RASIP1: variants seen among roughly 807,000 people sequenced by gnomAD.
RASIP1 encodes the protein ras-interacting protein 1.
In RASIP1, 20 loss-of-function variants were observed where a neutral mutation model predicts 85.3. The ratio of observed to expected loss-of-function variants is 0.23; its 90% confidence interval spans 0.17 to 0.34. The LOEUF (loss-of-function observed/expected upper bound fraction) is 0.34, where lower values mean the gene tolerates loss of function less well. Among genes scored for constraint, RASIP1 ranks in the 10% least tolerant of loss-of-function variants. RASIP1 has a pLI of 1.00. For synonymous variants in RASIP1, 617 were observed against 647.1 expected (o/e 0.95, Z 0.71); for missense variants, 1,170 against 1,390.9 (o/e 0.84, Z 2.53).
At position 48,735,312 on chromosome 19, in the gene RASIP1, C is replaced by T. The variant is rs2033549028; in HGVS notation, c.1063G>A (p.Asp355Asn). 6.2e-7 allele frequency: 1 copy of T among 1,613,782 alleles called. No individual in the cohort carries two copies. The highest frequency in any genetic ancestry group is 8.5e-7 in the Non-Finnish European group (1 of 1,179,958). Residue 355 changes from aspartate to asparagine, a missense_variant, in exon 4 of 12, where the codon GAC (aspartate) becomes AAC (asparagine). Coordinates refer to ENST00000222145, the MANE Select transcript of RASIP1 (RefSeq NM_017805.3). ...GGGTCTGCAGTTCCGATTTGGGCGT[C>T]GGCTGCCCCTGGGGCCATGCTAAGT... ...QALSMAPGAA[D>N]AQIGTADPGD...
In RASIP1 at chr19:48,720,638, T is replaced by A. The variant is rs2033208983; in HGVS notation, c.*160A>T. On this transcript the variant is annotated 3_prime_UTR_variant, in exon 12 of 12. Transcript: ENST00000222145. ...CCCTGGCATTCACATCCTAAGCCCA[T>A]GCTCCCACCGTCCCATCCGCTACTT... 1 of 764,336 alleles carries A rather than the reference T, an allele frequency of 1.3e-6. No homozygotes were observed. Among genetic ancestry groups the A allele is most frequent in the East Asian group, 2.5e-5 (1 of 40,252 alleles). 47.3% of individuals were successfully genotyped at this position (764,336 alleles called of 1,614,324 possible).
At position 48,729,076 on chromosome 19, in the gene RASIP1, G is replaced by C; in HGVS notation, c.1694C>G (p.Ala565Gly). The change falls in exon 5 of 12, where the codon GCC becomes GGC. Residue 565 changes from alanine (A) to glycine (G), a missense_variant. Ala to Gly is a moderately conservative substitution (Grantham distance 60). Around this residue, in one of 4 missense-constraint regions of RASIP1, gnomAD observed 426 missense variants for 576.2 expected, o/e 0.74. Transcript: ENST00000222145. The stretch of plus-strand genomic sequence containing the variant: ...GAGGGGCGGCAGGTCTCCCGAGCCG[G>C]CGGCTGCGGCGCGCACGATCTCGCC... ...LLGEIVRAAAAGSGDLPPLGP... is the reference protein window; with the variant it reads ...LLGEIVRAAAGGSGDLPPLGP... The C allele has an allele frequency of 7.3e-7, 1 of 1,378,644 alleles. No individual in the cohort carries two copies. The allele number at this position is 1,378,644 out of a possible 1,614,324, so 85.4% of individuals were successfully genotyped here.
At chr19:48,728,795 C>G in intron 5 of RASIP1, 142 bp downstream of exon 5, 1 of 753,810 alleles carries the variant, frequency 1.3e-6, no homozygotes, top group Non-Finnish European at 1.8e-6. Context: ...CAAACAAAAC[C>G]CAAAACCCCA....
Position 48,735,328 on chromosome 19 carries a change from C to T in RASIP1, c.1047G>A (p.Met349Ile). The T allele has an allele frequency of 2.5e-6, 4 of 1,613,754 alleles. No individual in the cohort carries two copies. The highest frequency in any genetic ancestry group is 3.4e-6 in the Non-Finnish European group (4 of 1,179,916). The change falls in exon 4 of 12, where the codon ATG becomes ATA. Residue 349 changes from methionine to isoleucine, a missense_variant. Met to Ile is a conservative substitution (Grantham distance 10, BLOSUM62 1). Transcript: ENST00000222145. ...TTTGGGCGTCGGCTGCCCCTGGGGCCATGCTAAGTGCCTGCTGTCTCCGCT... is the reference window on the plus strand; with the variant it reads ...TTTGGGCGTCGGCTGCCCCTGGGGCTATGCTAAGTGCCTGCTGTCTCCGCT... The part of the protein sequence containing the change: ...QQERRQQALS[M>I]APGAADAQIG...
At position 48,740,115 on chromosome 19, in the gene RASIP1, G is replaced by A; in HGVS notation, c.137+31C>T. Reference sequence around the variant, plus strand: ...GGGACAGATGGGAAGCAGGTGTGCAGGGGCAGGAGTCCTGCAGAGATGGCA... The same window carrying A: ...GGGACAGATGGGAAGCAGGTGTGCAAGGGCAGGAGTCCTGCAGAGATGGCA... On this transcript the variant is annotated intron_variant, in intron 2 of 11. Transcript: ENST00000222145. This position sits in a 1 kb window ranked among gnomAD's most constrained non-coding sequence, Gnocchi z 5.5. 1 of 1,546,244 alleles carries A rather than the reference G, an allele frequency of 6.5e-7. No homozygotes were observed. Among genetic ancestry groups the A allele is most frequent in the Non-Finnish European group, 8.7e-7 (1 of 1,151,122 alleles).
chr19:48,727,457 G>A, intron 5 of RASIP1, 27 bp from the exon 6 acceptor site: 1 of 1,610,660 alleles, frequency 6.2e-7, no homozygotes, highest in South Asian at 1.1e-5. Flanking sequence ...TCAGAATCAA[G>A]GTGAGGGGGA....
At position 48,722,878 on chromosome 19, in the gene RASIP1, T is replaced by G. The variant is rs921981170; in HGVS notation, c.2545-877A>C. 1.4e-4 allele frequency among the ~76,000 whole-genome samples: 21 copies of G among 152,146 alleles called. 1 individual carries two copies. The highest frequency in any genetic ancestry group is 1.3e-3 in the Admixed American group (20 of 15,266). The stretch of plus-strand genomic sequence containing the variant: ...CACTGCCTGGGGCTTATTAAATGCA[T>G]GGTAAACTTTCTTTCTTATTGTTTT... On this transcript the variant is annotated intron_variant, in intron 10 of 11. Transcript: ENST00000222145.
Position 48,738,820 on chromosome 19 carries a change from TCCAGTCCCCTC to T in RASIP1, c.823+129_823+139del, listed in dbSNP as rs949262409. On this transcript the variant is annotated intron_variant, in intron 3 of 11. Transcript: ENST00000222145. The surrounding 1 kb of genome is among the most constrained non-coding windows in gnomAD (Gnocchi z 4.0). ...TCTGCCTAGAGTCCAACACGCACCGTCCAGTCCCCTCCCAGTCCCCTCCCGCGGGCCCCGCC... is the reference window on the plus strand; with the variant it reads ...TCTGCCTAGAGTCCAACACGCACCGTCCAGTCCCCTCCCGCGGGCCCCGCC... The T allele has an allele frequency of 4.7e-5, 49 of 1,041,296 alleles. No individual in the cohort carries two copies. The highest frequency in any genetic ancestry group is 3.7e-4 in the Middle Eastern group (1 of 2,696). The allele number at this position is 1,041,296 out of a possible 1,614,324, so 64.5% of individuals were successfully genotyped here.
chr19:48,737,948 T>C, intron 3 of RASIP1: 1 of 985,284 alleles, frequency 1.0e-6, no homozygotes. Flanking sequence ...TGTTTGTTTG[T>C]TTGTTTGTTT....
At chr19:48,737,228 C>T (rs1258430681) in intron 3 of RASIP1, among the ~76,000 whole-genome samples, 1 of 152,158 alleles carries the variant, frequency 6.6e-6, no homozygotes, top group Non-Finnish European at 1.5e-5. Flanking sequence ...CCATTGAATC[C>T]TCACCTAGGA....
chr19:48,740,427 T>A lies in RASIP1; in HGVS notation c.-5+94A>T. On this transcript the variant is annotated intron_variant, in intron 1 of 11. Transcript: ENST00000222145. This position sits in a 1 kb window ranked among gnomAD's most constrained non-coding sequence, Gnocchi z 5.5. ...CAGGGGGAGGAGAGGGATGGTACCC[T>A]GGATTCCTGGGTCCTGGGATGGAAG... 1.4e-6 allele frequency: 2 copies of A among 1,389,116 alleles called. No individual in the cohort carries two copies. Among genetic ancestry groups the A allele is most frequent in the Non-Finnish European group, 1.9e-6 (2 of 1,065,126 alleles). The allele number at this position is 1,389,116 out of a possible 1,614,324, so 86.0% of individuals were successfully genotyped here.
intron 4 of RASIP1, 52 bp downstream of exon 4, chr19:48,735,144 C>T: frequency 1.3e-6 from 2 of 1,489,230 alleles, no homozygotes; most frequent in Non-Finnish European, 1.8e-6. Context: ...TGCTCACCCA[C>T]CAACAGATGG....
chr19:48,739,248 C>A lies in RASIP1; in HGVS notation c.535G>T (p.Ala179Ser). ...RSTARELVAE[A>S]LERYGLAGSP... is the part of the protein sequence containing the mutation. The stretch of plus-strand genomic sequence containing the variant: ...CCTGCTAGGCCGTAGCGCTCTAGCG[C>A]CTCGGCCACGAGCTCGCGCGCCGTG... The change falls in exon 3 of 12, where the codon GCG (alanine) becomes TCG (serine). Residue 179 changes from alanine (A) to serine (S), a missense_variant. Around this residue, in one of 4 missense-constraint regions of RASIP1, gnomAD observed 299 missense variants for 394.4 expected, o/e 0.76. Coordinates refer to ENST00000222145, the MANE Select transcript of RASIP1 (RefSeq NM_017805.3). This position sits in a 1 kb window ranked among gnomAD's most constrained non-coding sequence, Gnocchi z 9.2. 1 of 1,474,556 alleles carries A rather than the reference C, an allele frequency of 6.8e-7. No homozygotes were observed. Among genetic ancestry groups the A allele is most frequent in the South Asian group, 1.3e-5 (1 of 78,258 alleles). The allele number at this position is 1,474,556 out of a possible 1,614,324, so 91.3% of individuals were successfully genotyped here. A position where few individuals can be genotyped will look rare whatever the true frequency, so the allele number is the denominator to read the frequency against.
chr19:48,729,183 C>T lies in RASIP1; in HGVS notation c.1587G>A (p.Glu529=), dbSNP rs1420527023. The T allele has an allele frequency of 7.8e-7, 1 of 1,284,630 alleles. No individual in the cohort carries two copies. Among genetic ancestry groups the T allele is most frequent in the African/African-American group, 1.6e-5 (1 of 62,686 alleles). The allele number at this position is 1,284,630 out of a possible 1,614,324, so 79.6% of individuals were successfully genotyped here. Residue 529 remains glutamate (E), a synonymous_variant, in exon 5 of 12, where the codon GAG becomes GAA. Transcript: ENST00000222145. ...GGTAGGCGGCCAGTGCCTCGCCGCG[C>T]TCCTGCAGGCCGCGGCCGCACAGGC... ...SCRLCGRGLQ[E]RGEALAAYLD... is the part of the protein sequence containing the mutation.
intron 11 of RASIP1, 48 bp downstream of exon 11, chr19:48,721,806 A>C: frequency 6.5e-7 from 1 of 1,549,230 alleles, no homozygotes; most frequent in Non-Finnish European, 8.7e-7. Context: ...CCGTCTCAAA[A>C]GAAGAAGAAA....
chr19:48,734,934 G>C (rs575026882), intron 4 of RASIP1, among the ~76,000 whole-genome samples: 1 of 152,250 alleles, frequency 6.6e-6, no homozygotes, highest in East Asian at 1.9e-4. Flanking sequence ...TTCTACAATG[G>C]AATCTCCTTA....
chr19:48,738,858 C>CA lies in RASIP1; in HGVS notation c.823+101_823+102insT. 2.8e-6 allele frequency: 3 copies of CA among 1,055,650 alleles called. No individual in the cohort carries two copies. The highest frequency in any genetic ancestry group is 3.5e-6 in the Non-Finnish European group (3 of 854,322). The allele number at this position is 1,055,650 out of a possible 1,614,324, so 65.4% of individuals were successfully genotyped here. ...CAGTCCCCTCCCGCGGGCCCCGCCC[C>CA]CAGCCAGCCCGCGAGTCCCACAAGC... On this transcript the variant is annotated intron_variant, in intron 3 of 11. Coordinates refer to ENST00000222145, the MANE Select transcript of RASIP1 (RefSeq NM_017805.3). This position sits in a 1 kb window ranked among gnomAD's most constrained non-coding sequence, Gnocchi z 4.0.
At chr19:48,732,024 A>G (rs1343684076) in intron 4 of RASIP1, among the ~76,000 whole-genome samples, 1 of 152,032 alleles carries the variant, frequency 6.6e-6, no homozygotes, top group East Asian at 1.9e-4. Context: ...CCTGCCTCCA[A>G]GGAATGAACA....
In RASIP1 at chr19:48,735,485, A is replaced by G; in HGVS notation, c.890T>C (p.Leu297Pro). The change falls in exon 4 of 12, where the codon CTG (leucine) becomes CCG (proline). Residue 297 changes from leucine to proline, a missense_variant. By Grantham distance (98) the Leu-to-Pro change is moderately conservative (BLOSUM62 -3). Around this residue, in one of 4 missense-constraint regions of RASIP1, gnomAD observed 301 missense variants for 294.8 expected, o/e 1.02. Coordinates refer to ENST00000222145, the MANE Select transcript of RASIP1 (RefSeq NM_017805.3). ...TCCGGTCCCCGGGCCAGGACTGGCC[A>G]GCGCTGCCCCACCCGACGCCGCCCG... Reference protein sequence around the residue: ...RSRAASGGAALASPGPGTGSG... With the variant: ...RSRAASGGAAPASPGPGTGSG... 6.4e-7 allele frequency: 1 copy of G among 1,568,412 alleles called. No individual in the cohort carries two copies. The highest frequency in any genetic ancestry group is 8.6e-7 in the Non-Finnish European group (1 of 1,156,954).
Sources: gnomAD v4.1 joint callset for allele counts (sites outside exome capture counted in the v4.1 genomes callset) on GRCh38, gnomAD v4.1.1 for gene constraint, gnomAD v4.1.1 regional missense constraint, Gnocchi (gnomAD v3.1) non-coding constraint, MANE v1.5 for transcripts, NCBI Gene and HGNC (gene_info 2026-07-23, HGNC 2026-07-21) for gene names.